LPP: variants seen among roughly 807,000 people sequenced by gnomAD.
LPP encodes the protein lipoma-preferred partner.
LPP carries 38 observed loss-of-function variants against 60.4 expected under a neutral mutation model. The observed-to-expected ratio is 0.63, with a 90% CI of 0.49 to 0.83. LPP has a LOEUF of 0.83. LPP is among the 40% of genes least tolerant of loss of function. LPP has a pLI of 0.00. For synonymous variants in LPP, 328 were observed against 290.8 expected (o/e 1.13, Z -1.30); for missense variants, 902 against 783.6 (o/e 1.15, Z -1.80).
intron 4 of LPP, among the ~76,000 whole-genome samples, chr3:188,427,050 G>A (rs777537753): frequency 6.6e-5 from 10 of 152,118 alleles, no homozygotes; most frequent in Non-Finnish European, 1.0e-4. Flanking sequence ...GGTGTCGATG[G>A]TCTTTACAAT....
Position 188,495,023 on chromosome 3 carries a change from A to C in LPP, c.306+10319A>C, listed in dbSNP as rs148167640. On this transcript the variant is annotated intron_variant, in intron 5 of 11. Coordinates refer to ENST00000617246, the MANE Select transcript of LPP (RefSeq NM_001375462.1). ...ATTTGCACCATGCCTCCTCAGAGTT[A>C]ACCCGTGATCCCATCCCTTGCTATT... Among the ~76,000 whole-genome samples, 688 of 125,380 alleles carry C rather than the reference A, an allele frequency of 5.5e-3. 8 individuals carry two copies. The highest frequency in any genetic ancestry group is 0.025 in the South Asian group (92 of 3,666). The allele number at this position is 125,380 out of a possible 152,430, so 82.3% of individuals were successfully genotyped here.
chr3:188,500,168 A>G (rs1278288206), intron 5 of LPP, among the ~76,000 whole-genome samples: 6 of 151,922 alleles, frequency 3.9e-5, no homozygotes, highest in African/African-American at 1.5e-4. Context: ...AAAAGCTGGT[A>G]TTCCTAATCT....
chr3:188,753,723 C>T (rs183465758), intron 8 of LPP, among the ~76,000 whole-genome samples: 1 of 151,978 alleles, frequency 6.6e-6, no homozygotes, highest in East Asian at 1.9e-4. Context: ...GTCTACCACT[C>T]ATCCTAGTGG....
At chr3:188,747,758 A>T (rs935873227) in intron 8 of LPP, among the ~76,000 whole-genome samples, 1 of 152,224 alleles carries the variant, frequency 6.6e-6, no homozygotes, top group African/African-American at 2.4e-5. Flanking sequence ...CCTAGACGTC[A>T]CTTCAGCGCT....
At chr3:188,317,056 C>T (rs559972617) in intron 2 of LPP, among the ~76,000 whole-genome samples, 66 of 152,230 alleles carry the variant, frequency 4.3e-4, no homozygotes, top group East Asian at 1.7e-3. Flanking sequence ...TCTTGTCTCC[C>T]GATGAAACTG....
intron 4 of LPP, among the ~76,000 whole-genome samples, chr3:188,478,691 C>T (rs1410327791): frequency 4.6e-5 from 7 of 151,950 alleles, no homozygotes; most frequent in African/African-American, 1.7e-4. Context: ...CTTAAAATTT[C>T]GTACTATTTT....
Position 188,609,885 on chromosome 3 carries a change from C to A in LPP, c.1113+41C>A. 6.5e-7 allele frequency: 1 copy of A among 1,547,838 alleles called. No homozygotes were observed. The highest frequency in any genetic ancestry group is 8.7e-7 in the Non-Finnish European group (1 of 1,148,114). On this transcript the variant is annotated intron_variant, in intron 7 of 11. Coordinates refer to ENST00000617246, the MANE Select transcript of LPP (RefSeq NM_001375462.1). The surrounding 1 kb of genome is among the most constrained non-coding windows in gnomAD (Gnocchi z 6.9). ...ACATAAGGAGGAGAATACAGGGGTG[C>A]CTATCTTAGTCTGCCTTCCCCAGGA...
intron 2 of LPP, among the ~76,000 whole-genome samples, chr3:188,314,986 C>T (rs2150316342): frequency 6.6e-6 from 1 of 151,828 alleles, no homozygotes; most frequent in African/African-American, 2.4e-5. Context: ...AAAGTTATTT[C>T]TTTAAAATAT....
intron 1 of LPP, among the ~76,000 whole-genome samples, chr3:188,199,237 C>G (rs1435146693): frequency 6.6e-6 from 1 of 152,208 alleles, no homozygotes; most frequent in East Asian, 1.9e-4. Flanking sequence ...AGCGAGTGAG[C>G]ATTAGCAGGT....
intron 4 of LPP, among the ~76,000 whole-genome samples, chr3:188,470,711 T>C (rs1313859521): frequency 6.6e-6 from 1 of 151,996 alleles, no homozygotes; most frequent in Non-Finnish European, 1.5e-5. Context: ...CAAGAATAGC[T>C]TGGGCTCAGA....
chr3:188,489,779 G>A (rs1315348716), intron 5 of LPP, among the ~76,000 whole-genome samples: 1 of 152,210 alleles, frequency 6.6e-6, no homozygotes, highest in East Asian at 1.9e-4. Context: ...GAATTCAGGG[G>A]CTCAATATTT....
At chr3:188,865,099 A>T (rs1766255451) in intron 9 of LPP, among the ~76,000 whole-genome samples, 1 of 152,198 alleles carries the variant, frequency 6.6e-6, no homozygotes, top group South Asian at 2.1e-4. Flanking sequence ...TCCCGGGTTT[A>T]TTCCTGATTG....
chr3:188,731,843 C>T (rs116562108), intron 8 of LPP, among the ~76,000 whole-genome samples: 3 of 152,212 alleles, frequency 2.0e-5, no homozygotes, highest in Non-Finnish European at 4.4e-5. Flanking sequence ...TTATTTAATG[C>T]ATCTAGGCTC....
intron 5 of LPP, among the ~76,000 whole-genome samples, chr3:188,485,364 T>A (rs1806052169): frequency 6.6e-6 from 1 of 152,178 alleles, no homozygotes; most frequent in African/African-American, 2.4e-5. Context: ...GCTGAAGAAG[T>A]GCTTTATGTC....
chr3:188,625,968 C>G (rs975308841), intron 7 of LPP, among the ~76,000 whole-genome samples: 1 of 152,068 alleles, frequency 6.6e-6, no homozygotes, highest in South Asian at 2.1e-4. Flanking sequence ...ACCGAATGGG[C>G]CTTACCTATT....
chr3:188,783,355 C>T (rs943012684), intron 9 of LPP, among the ~76,000 whole-genome samples: 3 of 152,118 alleles, frequency 2.0e-5, no homozygotes, highest in Admixed American at 6.6e-5. Flanking sequence ...ACATATACCC[C>T]ACAGAATACT....
At chr3:188,491,423 G>A (rs758316771) in intron 5 of LPP, among the ~76,000 whole-genome samples, 7 of 152,194 alleles carry the variant, frequency 4.6e-5, no homozygotes, top group Admixed American at 3.9e-4. Flanking sequence ...GAGAATACAA[G>A]GATATCTTGA....
intron 6 of LPP, among the ~76,000 whole-genome samples, chr3:188,602,163 T>A (rs7373898): frequency 0.43 from 44,599 of 103,428 alleles, 11,162 homozygotes; most frequent in Non-Finnish European, 0.57. Flanking sequence ...AATATATATA[T>A]AATATATATA....
chr3:188,559,141 G>C (rs1164451327), intron 6 of LPP, among the ~76,000 whole-genome samples: 1 of 152,038 alleles, frequency 6.6e-6, no homozygotes, highest in African/African-American at 2.4e-5. Context: ...TTAATTGTCA[G>C]TGGCTCTTGC....
Sources: allele counts gnomAD v4.1 joint callset (sites outside exome capture counted in the v4.1 genomes callset), GRCh38; gene constraint gnomAD v4.1.1; non-coding constraint Gnocchi (gnomAD v3.1); transcripts MANE v1.5; gene names NCBI Gene and HGNC (gene_info 2026-07-23, HGNC 2026-07-21).